KCNIP3: variants seen among roughly 807,000 people sequenced by gnomAD.
The protein encoded by KCNIP3 is potassium voltage-gated channel interacting protein 3, also known as calsenilin.
KCNIP3 carries 28 observed loss-of-function variants against 35.0 expected under a neutral mutation model. That is an observed-to-expected ratio of 0.80 (90% CI 0.59 to 1.10). The LOEUF (loss-of-function observed/expected upper bound fraction) is 1.10, where lower values mean the gene tolerates loss of function less well. Among genes scored for constraint, KCNIP3 ranks in the 50% least tolerant of loss-of-function variants. KCNIP3 has a pLI of 0.00. For missense variants in KCNIP3, 295 were observed against 338.4 expected, an observed-to-expected ratio of 0.87 and a Z score of 1.01; for synonymous variants, 134 against 133.8, an observed-to-expected ratio of 1.00 and a Z score of -0.01.
rs570538348 is a variant in KCNIP3 at position 95,297,392 on chromosome 2, C to T, written c.-47C>T. The T allele has an allele frequency of 1.8e-5, 27 of 1,482,220 alleles. No homozygotes were observed. In the Admixed American group the frequency reaches 3.7e-4, roughly 20 times the overall value. The allele number at this position is 1,482,220 out of a possible 1,614,324, so 91.8% of individuals were successfully genotyped here. A position where few individuals can be genotyped will look rare whatever the true frequency, so the allele number is the denominator to read the frequency against. On this transcript the variant is annotated 5_prime_UTR_variant, in exon 1 of 9. Coordinates refer to ENST00000295225, the MANE Select transcript of KCNIP3 (RefSeq NM_013434.5). Reference sequence around the variant, plus strand: ...CCGGCCTGGGCAGTCTTGTCTGCCTCGGCTGTGAAGTGGGGAGGCTGGCAA... The same window carrying T: ...CCGGCCTGGGCAGTCTTGTCTGCCTTGGCTGTGAAGTGGGGAGGCTGGCAA...
chr2:95,318,591 A>G (rs1184332512), intron 2 of KCNIP3, among the ~76,000 whole-genome samples: 2 of 151,878 alleles, frequency 1.3e-5, no homozygotes, highest in Non-Finnish European at 2.9e-5. Context: ...AGCCAGTTCC[A>G]CTCCAGGCTC....
At chr2:95,359,380 G>A (rs1679735855) in intron 2 of KCNIP3, among the ~76,000 whole-genome samples, 1 of 152,196 alleles carries the variant, frequency 6.6e-6, no homozygotes, top group African/African-American at 2.4e-5. Flanking sequence ...GGGGTAACTG[G>A]TCCCAAGTAC....
At chr2:95,380,681 C>T (rs1249429520) in intron 5 of KCNIP3, among the ~76,000 whole-genome samples, 6 of 152,182 alleles carry the variant, frequency 3.9e-5, no homozygotes, top group Admixed American at 6.5e-5. Context: ...ATGCCAAAGG[C>T]GATGGCCACA....
intron 2 of KCNIP3, chr2:95,346,591 C>G (rs1234486044): frequency 6.8e-6 from 1 of 146,278 alleles, no homozygotes; most frequent in Non-Finnish European, 1.5e-5. Context: ...GCCCGGGACC[C>G]CCGCCGCCGC....
At position 95,376,057 on chromosome 2, in the gene KCNIP3, C is replaced by T. The variant is rs1048745887; in HGVS notation, c.447+849C>T. 3.3e-5 allele frequency among the ~76,000 whole-genome samples: 5 copies of T among 152,206 alleles called. No individual in the cohort carries two copies. Among genetic ancestry groups the T allele is most frequent in the Admixed American group, 6.5e-5 (1 of 15,290 alleles). ...GCCGCAAGCCCGCCAGGCACACTGA[C>T]GCTCCCCGCCTGCCCTGTGACCACA... On this transcript the variant is annotated intron_variant, in intron 5 of 8. Coordinates refer to ENST00000295225, the MANE Select transcript of KCNIP3 (RefSeq NM_013434.5). The surrounding 1 kb of genome is among the most constrained non-coding windows in gnomAD (Gnocchi z 4.2).
chr2:95,367,231 C>G (rs1190686686), intron 2 of KCNIP3, among the ~76,000 whole-genome samples: 1 of 152,038 alleles, frequency 6.6e-6, no homozygotes, highest in Non-Finnish European at 1.5e-5. Flanking sequence ...TGAGATCATG[C>G]CACTGCACTC....
At chr2:95,347,123 G>A in intron 2 of KCNIP3, 1 of 1,608,686 alleles carries the variant, frequency 6.2e-7, no homozygotes, top group South Asian at 1.1e-5. Context: ...TCCATGGAAG[G>A]TAACGCGTGG....
At chr2:95,375,962 A>G (rs1345175254) in intron 5 of KCNIP3, among the ~76,000 whole-genome samples, 2 of 152,240 alleles carry the variant, frequency 1.3e-5, no homozygotes, top group Admixed American at 1.3e-4. Flanking sequence ...AGAGAAGCAC[A>G]TGGGGCCAGA....
chr2:95,378,765 AAT>A lies in KCNIP3; in HGVS notation c.448-2817_448-2816del, dbSNP rs1182116162. ...GACTCAATCTCAAAAACAAAAACAA[AAT>A]ATATATATATATACACACACACACA... On this transcript the variant is annotated intron_variant, in intron 5 of 8. Transcript: ENST00000295225. This position sits in a 1 kb window ranked among gnomAD's most constrained non-coding sequence, Gnocchi z 4.0. Among the ~76,000 whole-genome samples, 38 of 148,834 alleles carry A rather than the reference AAT, an allele frequency of 2.6e-4. No homozygotes were observed. Among genetic ancestry groups the A allele is most frequent in the South Asian group, 6.4e-4 (3 of 4,714 alleles).
chr2:95,338,310 C>T (rs1389579474), intron 2 of KCNIP3, among the ~76,000 whole-genome samples: 1 of 152,192 alleles, frequency 6.6e-6, no homozygotes, highest in African/African-American at 2.4e-5. Context: ...CTAATTATGG[C>T]GACTTAAATG....
At chr2:95,335,053 C>T (rs1679027340) in intron 2 of KCNIP3, among the ~76,000 whole-genome samples, 1 of 152,228 alleles carries the variant, frequency 6.6e-6, no homozygotes, top group Non-Finnish European at 1.5e-5. Flanking sequence ...CTTCTCCTAC[C>T]TTCCAAGTCT....
intron 2 of KCNIP3, among the ~76,000 whole-genome samples, chr2:95,329,301 C>G (rs1678869607): frequency 6.6e-6 from 1 of 152,188 alleles, no homozygotes; most frequent in Non-Finnish European, 1.5e-5. Context: ...CTAGAGTAAG[C>G]TGATCCTGTA....
intron 2 of KCNIP3, among the ~76,000 whole-genome samples, chr2:95,315,388 G>T (rs921291809): frequency 1.3e-5 from 2 of 152,170 alleles, no homozygotes; most frequent in African/African-American, 4.8e-5. Flanking sequence ...GGTGCACAGA[G>T]GGGACCACTG....
In KCNIP3 at chr2:95,297,597, T is replaced by C. The variant is rs938610907; in HGVS notation, c.15+144T>C. The C allele has an allele frequency of 1.1e-5, 8 of 717,080 alleles. No individual in the cohort carries two copies. In the African/African-American group the frequency reaches 1.3e-4, roughly 11 times the overall value. 44.4% of individuals were successfully genotyped at this position (717,080 alleles called of 1,614,324 possible). A position where few individuals can be genotyped will look rare whatever the true frequency, so the allele number is the denominator to read the frequency against. Reference sequence around the variant, plus strand: ...CACTTTCCTTTGGGGAAAGTGAGCGTTGGGGCGTCCTGGCTGGCGCTGGGG... The same window carrying C: ...CACTTTCCTTTGGGGAAAGTGAGCGCTGGGGCGTCCTGGCTGGCGCTGGGG... On this transcript the variant is annotated intron_variant, in intron 1 of 8. Coordinates refer to ENST00000295225, the MANE Select transcript of KCNIP3 (RefSeq NM_013434.5).
chr2:95,351,529 A>C (rs1214258616), intron 2 of KCNIP3, among the ~76,000 whole-genome samples: 1 of 152,210 alleles, frequency 6.6e-6, no homozygotes, highest in Non-Finnish European at 1.5e-5. Flanking sequence ...ATCTATTGAG[A>C]TGGGGAAGCC....
At chr2:95,321,990 T>A (rs1678608500) in intron 2 of KCNIP3, among the ~76,000 whole-genome samples, 1 of 152,322 alleles carries the variant, frequency 6.6e-6, no homozygotes, top group Admixed American at 6.5e-5. Flanking sequence ...ATCTCATCTC[T>A]GCCACTCATA....
chr2:95,371,132 G>A (rs1406667324), intron 2 of KCNIP3, among the ~76,000 whole-genome samples: 1 of 152,056 alleles, frequency 6.6e-6, no homozygotes, highest in Non-Finnish European at 1.5e-5. Context: ...AATTTAATTT[G>A]CTCTGCATTT....
chr2:95,301,626 T>C (rs574391745), intron 1 of KCNIP3, among the ~76,000 whole-genome samples: 1 of 152,298 alleles, frequency 6.6e-6, no homozygotes, highest in Non-Finnish European at 1.5e-5. Flanking sequence ...CCTCCACACA[T>C]GAAGGGAATA....
chr2:95,374,835 C>T lies in KCNIP3; in HGVS notation c.307-13C>T, dbSNP rs1265782537. On this transcript the variant is annotated splice_polypyrimidine_tract_variant and intron_variant, in intron 3 of 8. Coordinates refer to ENST00000295225, the MANE Select transcript of KCNIP3 (RefSeq NM_013434.5). ...GGGTGGCCGAGGGCTGAGGGGGTGC[C>T]TTCCTGCTGCAGGAGTGTCCCACGG... 1 of 1,613,230 alleles carries T rather than the reference C, an allele frequency of 6.2e-7. No homozygotes were observed. The highest frequency in any genetic ancestry group is 8.5e-7 in the Non-Finnish European group (1 of 1,179,890).
Sources: gnomAD v4.1 joint callset for allele counts (sites outside exome capture counted in the v4.1 genomes callset) on GRCh38, gnomAD v4.1.1 for gene constraint, Gnocchi (gnomAD v3.1) non-coding constraint, MANE v1.5 for transcripts, NCBI Gene and HGNC (gene_info 2026-07-23, HGNC 2026-07-21) for gene names.